The following ABCA6 variants were observed in gnomAD, a reference collection of about 807,000 sequenced individuals.
The protein encoded by ABCA6 is ATP-binding cassette sub-family A member 6.
ABCA6 carries 164 observed loss-of-function variants against 191.2 expected under a neutral mutation model. The ratio of observed to expected loss-of-function variants is 0.86; its 90% CI spans 0.76 to 0.98. ABCA6 has a LOEUF of 0.98. Ranked by LOEUF, ABCA6 falls within the 50% of genes least tolerant of loss-of-function variation. The pLI, the probability that ABCA6 is intolerant of heterozygous loss-of-function variation, is 0.00. For missense variants in ABCA6, 1,958 were observed against 1,894.1 expected (o/e 1.03, Z -0.63); for synonymous variants, 636 against 647.7 (o/e 0.98, Z 0.27).
chr17:69,128,128 C>A (rs763073362), intron 8 of ABCA6, among the ~76,000 whole-genome samples: 1 of 151,990 alleles, frequency 6.6e-6, no homozygotes, highest in African/African-American at 2.4e-5. Flanking sequence ...TTTACCTTTA[C>A]GAAGGAGGAG....
chr17:69,132,223 TAA>T (rs903880410), intron 6 of ABCA6, among the ~76,000 whole-genome samples: 22 of 152,196 alleles, frequency 1.4e-4, no homozygotes, highest in African/African-American at 5.3e-4. Flanking sequence ...TCCAAAACCA[TAA>T]AGAGTATTTG....
intron 36 of ABCA6, among the ~76,000 whole-genome samples, chr17:69,081,773 G>A (rs766317560): frequency 2.0e-4 from 30 of 152,224 alleles, no homozygotes; most frequent in Non-Finnish European, 3.5e-4. Flanking sequence ...AAAAAACCTC[G>A]GAATCTCCTT....
In ABCA6 at chr17:69,082,902, C is replaced by T. The variant is rs751580826; in HGVS notation, c.4587G>A (p.Lys1529=). ...CCTGCCCTGCAGCCTGTGGGAAAAG[C>T]TTCAGAATCTCAGTGTGGACCAAAG... ...QVTLVHTEIL[K]LFPQAAGQER... Residue 1529 remains lysine (K), a synonymous_variant, in exon 36 of 39, where the codon AAG becomes AAA. Coordinates refer to ENST00000284425, the MANE Select transcript of ABCA6 (RefSeq NM_080284.3). 1.2e-6 allele frequency: 2 copies of T among 1,614,202 alleles called. No individual in the cohort carries two copies. The highest frequency in any genetic ancestry group is 2.2e-5 in the South Asian group (2 of 91,084).
At position 69,133,642 on chromosome 17, in the gene ABCA6, A is replaced by G. The variant is rs1398897196; in HGVS notation, c.790T>C (p.Trp264Arg). 1.9e-6 allele frequency: 3 copies of G among 1,573,392 alleles called. No homozygotes were observed. The highest frequency in any genetic ancestry group is 2.6e-6 in the Non-Finnish European group (3 of 1,153,976). Residue 264 changes from tryptophan to arginine, a missense_variant and splice_region_variant, in exon 6 of 39, where the codon TGG becomes CGG. Trp to Arg is a moderately radical substitution (Grantham distance 101, BLOSUM62 -3). Coordinates refer to ENST00000284425, the MANE Select transcript of ABCA6 (RefSeq NM_080284.3). ...KMMGLQDSAF[W>R]LSWGLIYAGF... ...GCACTACTTGAATTAGTCACTCACCAGAATGCTGAATCTTGGAGACCCATC... is the reference window on the plus strand; with the variant it reads ...GCACTACTTGAATTAGTCACTCACCGGAATGCTGAATCTTGGAGACCCATC...
At chr17:69,103,096 G>A (rs2073218029) in intron 20 of ABCA6, 128 bp from the exon 21 acceptor site, 3 of 559,068 alleles carry the variant, frequency 5.4e-6, no homozygotes, top group Non-Finnish European at 8.9e-6. Flanking sequence ...CTTTCTTTGG[G>A]TATCACAATA....
intron 9 of ABCA6, among the ~76,000 whole-genome samples, chr17:69,124,236 T>G (rs186559567): frequency 6.3e-4 from 96 of 152,090 alleles, no homozygotes; most frequent in Non-Finnish European, 1.0e-3. Flanking sequence ...AAGACAGGAA[T>G]ATATACAAGT....
intron 25 of ABCA6, among the ~76,000 whole-genome samples, chr17:69,092,167 T>A (rs2072940783): frequency 6.6e-6 from 1 of 152,214 alleles, no homozygotes; most frequent in Admixed American, 6.5e-5. Flanking sequence ...GTTTTAAGAA[T>A]CAATTGATCA....
chr17:69,084,351 C>A lies in ABCA6; in HGVS notation c.4265G>T (p.Cys1422Phe). The A allele has an allele frequency of 6.2e-7, 1 of 1,614,154 alleles. No individual in the cohort carries two copies. Among genetic ancestry groups the A allele is most frequent in the Non-Finnish European group, 8.5e-7 (1 of 1,180,016 alleles). The change falls in exon 34 of 39, where the codon TGT (cysteine) becomes TTT (phenylalanine). Residue 1422 changes from cysteine to phenylalanine, a missense_variant. Cys to Phe is a radical substitution (Grantham distance 205). Coordinates refer to ENST00000284425, the MANE Select transcript of ABCA6 (RefSeq NM_080284.3). ...KLTAGITRKL[C>F]FVLSLLGNSP... ...GTTTCCCAGGAGGCTCAGCACAAAA[C>A]ACAACTGCAATGTAGAAAAACACCC...
chr17:69,102,307 A>G (rs2073199263), intron 21 of ABCA6, among the ~76,000 whole-genome samples: 1 of 152,040 alleles, frequency 6.6e-6, no homozygotes, highest in South Asian at 2.1e-4. Context: ...ACTGCCACTG[A>G]GCTCCAGCCT....
rs756968191 is a variant in ABCA6 at position 69,078,784 on chromosome 17, A to G, written c.*189T>C. On this transcript the variant is annotated 3_prime_UTR_variant, in exon 39 of 39. Transcript: ENST00000284425. ...TTTACTAATATTTTGTATTGCCTTT[A>G]TCACAGGTTTGCTATCACCCCTATG... is the stretch of plus-strand genomic sequence containing the variant. 12 of 410,694 alleles carry G rather than the reference A, an allele frequency of 2.9e-5. No homozygotes were observed. The highest frequency in any genetic ancestry group is 1.3e-4 in the Admixed American group (3 of 23,634). The allele number at this position is 410,694 out of a possible 1,614,324, so 25.4% of individuals were successfully genotyped here.
intron 25 of ABCA6, among the ~76,000 whole-genome samples, chr17:69,094,057 G>A (rs934386431): frequency 3.3e-5 from 5 of 152,086 alleles, no homozygotes; most frequent in African/African-American, 9.7e-5. Flanking sequence ...GCAATCATAC[G>A]TGTATGTGTT....
rs780610044 is a variant in ABCA6 at position 69,140,640 on chromosome 17, TA to T, written c.63del (p.Lys22ArgfsTer5). On this transcript the variant is annotated frameshift_variant, in exon 2 of 39. Coordinates refer to ENST00000284425, the MANE Select transcript of ABCA6 (RefSeq NM_080284.3). LOFTEE classifies it high-confidence loss of function. ...QTKALLCKNF[L>X]KKWRMKRESL... ...CTCTCTCTTTTCATCCTCCATTTCT[TA>T]AGAAAATTCTTGCACAGAAGTGCTT... is the stretch of plus-strand genomic sequence containing the variant. 1 of 1,599,992 alleles carries T rather than the reference TA, an allele frequency of 6.3e-7. No homozygotes were observed.
chr17:69,087,615 T>C, intron 28 of ABCA6, 142 bp from the exon 29 acceptor site: 1 of 1,151,502 alleles, frequency 8.7e-7, no homozygotes, highest in Non-Finnish European at 1.2e-6. Flanking sequence ...ATATTGCTTC[T>C]GCTTTTGCCA....
intron 37 of ABCA6, among the ~76,000 whole-genome samples, chr17:69,080,819 A>C (rs1395963881): frequency 6.6e-6 from 1 of 152,212 alleles, no homozygotes; most frequent in Non-Finnish European, 1.5e-5. Context: ...ATGGTTTCAC[A>C]GTAAGAACAG....
chr17:69,134,988 T>C (rs188303757), intron 4 of ABCA6, among the ~76,000 whole-genome samples: 166 of 147,888 alleles, frequency 1.1e-3, no homozygotes, highest in African/African-American at 4.0e-3. Context: ...GTTCAAGTGA[T>C]TCTCCTACCT....
rs2144606068 is a variant in ABCA6, at chr17:69,082,987, T to C, written c.4502A>G (p.Lys1501Arg). ...LRCIGSIQHLKNKLGKDYILE... is the reference protein window; with the variant it reads ...LRCIGSIQHLRNKLGKDYILE... ...AATGTAATCCTTGCCAAGTTTGTTTTTCAGGTGTTGGATGGAGCCAATGCA... is the reference window on the plus strand; with the variant it reads ...AATGTAATCCTTGCCAAGTTTGTTTCTCAGGTGTTGGATGGAGCCAATGCA... The change falls in exon 36 of 39, where the codon AAA becomes AGA. Residue 1501 changes from lysine to arginine, a missense_variant. Physicochemically the swap from Lys to Arg is conservative, Grantham distance 26. Coordinates refer to ENST00000284425, the MANE Select transcript of ABCA6 (RefSeq NM_080284.3). 4 of 1,614,214 alleles carry C rather than the reference T, an allele frequency of 2.5e-6. No homozygotes were observed. The East Asian group carries it at 8.9e-5, about 36-fold the overall frequency.
At chr17:69,091,429 GC>G (rs1434104309) in intron 25 of ABCA6, among the ~76,000 whole-genome samples, 167 bp from the exon 26 acceptor site, 1 of 152,128 alleles carries the variant, frequency 6.6e-6, no homozygotes, top group Non-Finnish European at 1.5e-5. Context: ...TAGGGAAGAA[GC>G]TTTTGTTAAC....
chr17:69,125,182 T>C, intron 8 of ABCA6, 147 bp from the exon 9 acceptor site: 1 of 351,772 alleles, frequency 2.8e-6, no homozygotes, highest in Non-Finnish European at 5.1e-6. Context: ...AATAAAGGTA[T>C]TGGTCAAAAT....
intron 11 of ABCA6, 62 bp from the exon 12 acceptor site, chr17:69,115,548 G>A (rs1226055423): frequency 8.2e-7 from 1 of 1,225,200 alleles, no homozygotes; most frequent in Non-Finnish European, 1.2e-6. Flanking sequence ...CATTAGACAG[G>A]CCTGGTCCCA....
Sources: gnomAD v4.1 joint callset for allele counts (sites outside exome capture counted in the v4.1 genomes callset) on GRCh38, gnomAD v4.1.1 for gene constraint, MANE v1.5 for transcripts, NCBI Gene and HGNC (gene_info 2026-07-23, HGNC 2026-07-21) for gene names.